MRAP2: variants seen among roughly 807,000 people sequenced by gnomAD.
MRAP2 encodes the protein melanocortin-2 receptor accessory protein 2.
Under a neutral mutation model 17.4 loss-of-function variants are expected in MRAP2, and 20 were observed. The observed-to-expected ratio is 1.15, with a 90% CI of 0.81 to 1.67. The LOEUF (loss-of-function observed/expected upper bound fraction) is 1.67, where lower values mean the gene tolerates loss of function less well. Ranked by LOEUF, MRAP2 falls within the 40% of genes most tolerant of loss-of-function variation. The pLI, the probability that MRAP2 is intolerant of heterozygous loss-of-function variation, is 0.00. For synonymous variants in MRAP2, 96 were observed against 88.4 expected (o/e 1.09, Z -0.48); for missense variants, 238 against 240.0 (o/e 0.99, Z 0.05).
intron 1 of MRAP2, among the ~76,000 whole-genome samples, chr6:84,041,352 C>G (rs573421258): frequency 4.6e-5 from 7 of 152,214 alleles, no homozygotes; most frequent in Non-Finnish European, 7.3e-5. Flanking sequence ...CATGGAGAAC[C>G]TCTGTTAGGG....
At chr6:84,107,331 A>T in the MRAP2 span, among the ~76,000 whole-genome samples, 1 of 152,118 alleles carries the variant, frequency 6.6e-6, no homozygotes, top group Non-Finnish European at 1.5e-5. Context: ...AAGAATATAT[A>T]TTTTACCTTA....
chr6:84,119,625 A>T, the MRAP2 span, among the ~76,000 whole-genome samples: 2 of 152,236 alleles, frequency 1.3e-5, no homozygotes, highest in Non-Finnish European at 2.9e-5. Flanking sequence ...AGGGATAACC[A>T]ACTGACATAA....
chr6:84,142,976 A>T, the MRAP2 span, among the ~76,000 whole-genome samples: 1 of 152,120 alleles, frequency 6.6e-6, no homozygotes, highest in Admixed American at 6.5e-5. Context: ...AATTGTTAAT[A>T]ACAAGTACAT....
At chr6:84,092,191 T>C (rs572673502), downstream of MRAP2, among the ~76,000 whole-genome samples, 2 of 152,328 alleles carry the variant, frequency 1.3e-5, no homozygotes, top group East Asian at 3.9e-4. Flanking sequence ...TTACCTAAGA[T>C]GATCTCCCCA....
intron 3 of MRAP2, among the ~76,000 whole-genome samples, chr6:84,071,573 T>C (rs1308394543): frequency 6.6e-6 from 1 of 152,222 alleles, no homozygotes; most frequent in African/African-American, 2.4e-5. Flanking sequence ...AATGATCTTT[T>C]TGAGATGAAT....
chr6:84,126,503 GTTT>G, the MRAP2 span: 1 of 1,530,866 alleles, frequency 6.5e-7, no homozygotes, highest in Non-Finnish European at 8.8e-7. Context: ...TCTTCTAAGA[GTTT>G]TGTAATCTAA....
intron 3 of MRAP2, among the ~76,000 whole-genome samples, chr6:84,080,227 G>A (rs982048652): frequency 9.9e-5 from 15 of 151,926 alleles, no homozygotes; most frequent in East Asian, 7.7e-4. Flanking sequence ...TAATAGAGAC[G>A]GGGTTTCACC....
At chr6:84,102,033 T>TTGGATATA in the MRAP2 span, among the ~76,000 whole-genome samples, 570 of 152,280 alleles carry the variant, frequency 3.7e-3, 8 homozygotes, top group Non-Finnish European at 3.2e-3. Flanking sequence ...ACATTAGATC[T>TTGGATATA]TGGATATATA....
intron 3 of MRAP2, chr6:84,063,311 A>G (rs1171303348): frequency 1.0e-6 from 1 of 984,968 alleles, no homozygotes; most frequent in Non-Finnish European, 1.2e-6. Flanking sequence ...CATATTCCCA[A>G]AAGGATTTAG....
At chr6:84,080,283 G>A (rs139380368) in intron 3 of MRAP2, among the ~76,000 whole-genome samples, 3 of 151,976 alleles carry the variant, frequency 2.0e-5, no homozygotes, top group African/African-American at 7.2e-5. Flanking sequence ...TGATCCGCCC[G>A]CCTCAGCCTC....
At chr6:84,045,195 G>T (rs1270846631) in intron 1 of MRAP2, 1 of 985,182 alleles carries the variant, frequency 1.0e-6, no homozygotes, top group East Asian at 1.1e-4. Flanking sequence ...GCTAAGGAAT[G>T]ACTTTATATA....
At position 84,076,489 on chromosome 6, in the gene MRAP2, G is replaced by A. The variant is rs138218671; in HGVS notation, c.228-12602G>A. Among the ~76,000 whole-genome samples the A allele has an allele frequency of 9.9e-5, 15 of 152,192 alleles. No homozygotes were observed. In the East Asian group the frequency reaches 2.9e-3, roughly 29 times the overall value. On this transcript the variant is annotated intron_variant, in intron 3 of 3. Coordinates refer to ENST00000257776, the MANE Select transcript of MRAP2 (RefSeq NM_138409.4). ...TCCACCTACCTCTGCCTCCCAAAGTGCTGGGATTACAGGTGTGAGCCACTG... is the reference window on the plus strand; with the variant it reads ...TCCACCTACCTCTGCCTCCCAAAGTACTGGGATTACAGGTGTGAGCCACTG...
At chr6:84,093,750 C>T (rs1051343154), downstream of MRAP2, among the ~76,000 whole-genome samples, 2 of 152,230 alleles carry the variant, frequency 1.3e-5, no homozygotes, top group Admixed American at 6.5e-5. Flanking sequence ...AAATCTCCAC[C>T]CCTGGTAGTG....
At chr6:84,105,544 C>A in the MRAP2 span, among the ~76,000 whole-genome samples, 1 of 152,142 alleles carries the variant, frequency 6.6e-6, no homozygotes, top group Non-Finnish European at 1.5e-5. Flanking sequence ...TGGGTCCCTC[C>A]CGAAACATGT....
chr6:84,036,655 G>T (rs111475292), intron 1 of MRAP2, among the ~76,000 whole-genome samples: 1 of 152,132 alleles, frequency 6.6e-6, no homozygotes, highest in Non-Finnish European at 1.5e-5. Context: ...AGCTTCCACA[G>T]TGTGGAAGGG....
At chr6:84,044,197 T>G (rs1463415049) in intron 1 of MRAP2, among the ~76,000 whole-genome samples, 1 of 152,162 alleles carries the variant, frequency 6.6e-6, no homozygotes, top group African/African-American at 2.4e-5. Context: ...TTCTGTTTTC[T>G]TTTTTTGAGA....
chr6:84,053,410 T>G (rs1249413137), intron 1 of MRAP2, among the ~76,000 whole-genome samples: 1 of 152,234 alleles, frequency 6.6e-6, no homozygotes, highest in African/African-American at 2.4e-5. Flanking sequence ...GATGTAAATG[T>G]TGATCATTTT....
chr6:84,116,894 T>A, the MRAP2 span, among the ~76,000 whole-genome samples: 1 of 151,322 alleles, frequency 6.6e-6, no homozygotes, highest in African/African-American at 2.5e-5. Context: ...TTTGCCAGTA[T>A]TTTTTTGAGA....
At chr6:84,133,012 T>A in the MRAP2 span, among the ~76,000 whole-genome samples, 1 of 152,184 alleles carries the variant, frequency 6.6e-6, no homozygotes, top group Non-Finnish European at 1.5e-5. Flanking sequence ...TGGTCTTTGA[T>A]GATGGTGACC....
Sources: gnomAD v4.1 joint callset for allele counts (sites outside exome capture counted in the v4.1 genomes callset) on GRCh38, gnomAD v4.1.1 for gene constraint, MANE v1.5 for transcripts, NCBI Gene and HGNC (gene_info 2026-07-23, HGNC 2026-07-21) for gene names.